Variants in KLHL4 observed in about 807,000 individuals in gnomAD.
KLHL4 encodes kelch-like protein 4.
A neutral mutation model predicts 45.8 loss-of-function variants in KLHL4; 17 were observed. The ratio of observed to expected loss-of-function variants is 0.37; its 90% CI spans 0.25 to 0.56. The LOEUF is 0.56. Among genes scored for constraint, KLHL4 ranks in the 20% least tolerant of loss-of-function variants. The probability of loss-of-function intolerance (pLI) is 0.79; values close to 1 mark genes in which losing one functional copy is unlikely to be tolerated. For synonymous variants in KLHL4, 224 were observed against 189.9 expected (o/e 1.18, Z -1.47); for missense variants, 544 against 544.9 (o/e 1.00, Z 0.02).
rs766922108 is a variant in KLHL4 at position 87,635,882 on chromosome X, C to T, written c.1925+107C>T. ...ATGGAAATCAGTTTAGTTCTATGCC[C>T]ACTGTAAGAAAATTAAATAGTACAA... On this transcript the variant is annotated intron_variant, in intron 9 of 10. Transcript: ENST00000373119. The T allele has an allele frequency of 2.6e-4, 136 of 523,724 alleles. 1 individual carries two copies. In the South Asian group the frequency reaches 5.9e-3, roughly 23 times the overall value. 43.2% of individuals were successfully genotyped at this position (523,724 alleles called of 1,213,427 possible). A position where few individuals can be genotyped will look rare whatever the true frequency, so the allele number is the denominator to read the frequency against.
chrX:87,616,758 G>A lies in KLHL4; in HGVS notation c.728-1174G>A, dbSNP rs747371228. 3.5e-4 allele frequency among the ~76,000 whole-genome samples: 39 copies of A among 111,597 alleles called. 1 individual carries two copies. Among genetic ancestry groups the A allele is most frequent in the African/African-American group, 1.2e-3 (38 of 30,851 alleles). On this transcript the variant is annotated intron_variant, in intron 3 of 10. Coordinates refer to ENST00000373119, the MANE Select transcript of KLHL4 (RefSeq NM_019117.5). ...GCAGATGAATATTTATATCTGAATT[G>A]GAGAATAGATCATACTTCTCTAGGT...
chrX:87,568,391 C>CTTTTTTTTT (rs58586775), intron 1 of KLHL4, among the ~76,000 whole-genome samples: 55 of 57,449 alleles, frequency 9.6e-4, no homozygotes, highest in Admixed American at 1.2e-3. Flanking sequence ...TTCTTTTTTT[C>CTTTTTTTTT]TTTTTTTTTT....
chrX:87,590,500 A>T (rs1921627859), intron 1 of KLHL4, among the ~76,000 whole-genome samples: 1 of 111,930 alleles, frequency 8.9e-6, no homozygotes, highest in Non-Finnish European at 1.9e-5. Context: ...CCTTAAATTT[A>T]TGAGGGACTA....
intron 1 of KLHL4, among the ~76,000 whole-genome samples, chrX:87,524,009 A>G (rs1236839141): frequency 1.8e-5 from 2 of 111,776 alleles, no homozygotes; most frequent in Non-Finnish European, 3.8e-5. Flanking sequence ...AAGAAAAAAG[A>G]CAATTTTTTT....
At chrX:87,622,571 C>G (rs910541787) in intron 5 of KLHL4, 148 bp downstream of exon 5, 4 of 383,540 alleles carry the variant, frequency 1.0e-5, no homozygotes, top group Admixed American at 5.0e-5. Flanking sequence ...ACATATTCAG[C>G]CATCAATTAG....
chrX:87,619,913 T>C (rs769606406), intron 4 of KLHL4, among the ~76,000 whole-genome samples: 7 of 112,004 alleles, frequency 6.2e-5, no homozygotes, highest in African/African-American at 2.3e-4. Flanking sequence ...ATAATTTTAA[T>C]GTCTAAGAAT....
At chrX:87,622,694 G>A (rs1179088672) in intron 5 of KLHL4, among the ~76,000 whole-genome samples, 2 of 87,683 alleles carry the variant, frequency 2.3e-5, no homozygotes, top group Non-Finnish European at 4.5e-5. Context: ...TAAAAAGCTG[G>A]GAAAATGACT....
rs1921549717 is a variant in KLHL4 at position 87,588,408 on chromosome X, A to G, written c.423-25469A>G. ...TGACTTCAAATTATACTGCAAAGCT[A>G]TAGTAACCAAAACAGCATGTTACTG... On this transcript the variant is annotated intron_variant, in intron 1 of 10. Coordinates refer to ENST00000373119, the MANE Select transcript of KLHL4 (RefSeq NM_019117.5). 1.8e-5 allele frequency among the ~76,000 whole-genome samples: 2 copies of G among 112,021 alleles called. 1 individual carries two copies. Among genetic ancestry groups the G allele is most frequent in the Non-Finnish European group, 3.8e-5 (2 of 53,171 alleles).
Position 87,668,163 on chromosome X carries a change from T to C in KLHL4, c.*1629T>C. 2.7e-6 allele frequency: 2 copies of C among 747,179 alleles called. No homozygotes were observed. The highest frequency in any genetic ancestry group is 3.2e-6 in the Non-Finnish European group (2 of 633,040). 61.6% of individuals were successfully genotyped at this position (747,179 alleles called of 1,213,427 possible). A position where few individuals can be genotyped will look rare whatever the true frequency, so the allele number is the denominator to read the frequency against. On this transcript the variant is annotated 3_prime_UTR_variant, in exon 11 of 11. Transcript: ENST00000373119. ...GAAACACACATACAGCCCTGTTAGG[T>C]CTTTTGAATTCACACCTTATTGAAA...
chrX:87,661,045 T>G (rs930660610), intron 9 of KLHL4, among the ~76,000 whole-genome samples: 1 of 112,237 alleles, frequency 8.9e-6, no homozygotes, highest in Non-Finnish European at 1.9e-5. Context: ...GTGAAGGTTT[T>G]TTGCTATGAA....
intron 1 of KLHL4, among the ~76,000 whole-genome samples, chrX:87,579,913 T>C (rs1921219233): frequency 8.9e-6 from 1 of 111,994 alleles, no homozygotes; most frequent in South Asian, 3.7e-4. Context: ...TAAAGGTAAA[T>C]ATGTGAATAC....
chrX:87,551,414 A>G lies in KLHL4; in HGVS notation c.422+33099A>G, dbSNP rs369821062. Among the ~76,000 whole-genome samples, 13 of 111,564 alleles carry G rather than the reference A, an allele frequency of 1.2e-4. No homozygotes were observed. The East Asian group carries it at 3.4e-3, about 29-fold the overall frequency. On this transcript the variant is annotated intron_variant, in intron 1 of 10. Coordinates refer to ENST00000373119, the MANE Select transcript of KLHL4 (RefSeq NM_019117.5). Reference sequence around the variant, plus strand: ...GGGTAGAATAAATATTGCAAAAATGACCATACTGCCAAAAGCAATCTACAA... The same window carrying G: ...GGGTAGAATAAATATTGCAAAAATGGCCATACTGCCAAAAGCAATCTACAA...
chrX:87,552,709 A>G (rs1403434341), intron 1 of KLHL4, among the ~76,000 whole-genome samples: 2 of 68,434 alleles, frequency 2.9e-5, no homozygotes, highest in African/African-American at 5.9e-5. Context: ...ATATATATAT[A>G]TATAACATGG....
chrX:87,648,210 A>T (rs1447881631), intron 9 of KLHL4, among the ~76,000 whole-genome samples: 1 of 111,433 alleles, frequency 9.0e-6, no homozygotes, highest in Admixed American at 9.6e-5. Flanking sequence ...GTTAAATAAT[A>T]TTAACCTAAG....
chrX:87,586,513 T>C (rs1003347669), intron 1 of KLHL4, among the ~76,000 whole-genome samples: 6 of 111,423 alleles, frequency 5.4e-5, no homozygotes, highest in African/African-American at 2.0e-4. Context: ...TTAAACAATA[T>C]GTCCCTGAAT....
chrX:87,544,465 A>T (rs1931631923), intron 1 of KLHL4, among the ~76,000 whole-genome samples: 3 of 111,734 alleles, frequency 2.7e-5, no homozygotes, highest in African/African-American at 9.8e-5. Context: ...GAACACAGGC[A>T]GTAGCCAGGG....
At chrX:87,603,970 G>A (rs776047884) in intron 1 of KLHL4, among the ~76,000 whole-genome samples, 3 of 109,880 alleles carry the variant, frequency 2.7e-5, no homozygotes, top group African/African-American at 9.9e-5. Context: ...TTAATTCCAC[G>A]TATTAGTGAG....
At chrX:87,561,058 A>T (rs4828476) in intron 1 of KLHL4, among the ~76,000 whole-genome samples, 27,524 of 110,514 alleles carry the variant, frequency 0.25, 2,952 homozygotes, top group East Asian at 0.51. Flanking sequence ...CTAGAAAAAA[A>T]CATAGGGAAA....
chrX:87,519,724 G>A (rs1003453702), intron 1 of KLHL4, among the ~76,000 whole-genome samples: 2 of 111,757 alleles, frequency 1.8e-5, no homozygotes, highest in Non-Finnish European at 3.8e-5. Flanking sequence ...AATTCAGCAG[G>A]CTTTCAAATT....
Sources: allele counts gnomAD v4.1 joint callset (sites outside exome capture counted in the v4.1 genomes callset), GRCh38; gene constraint gnomAD v4.1.1; transcripts MANE v1.5; gene names NCBI Gene and HGNC (gene_info 2026-07-23, HGNC 2026-07-21).